TG: variants seen among roughly 807,000 people sequenced by gnomAD.
TG encodes thyroid hormones.
A neutral mutation model predicts 324.7 loss-of-function variants in TG; 270 were observed. That is an observed-to-expected ratio of 0.83 (90% CI 0.75 to 0.92). The LOEUF (loss-of-function observed/expected upper bound fraction) is 0.92, where lower values mean the gene tolerates loss of function less well. Ranked by LOEUF, TG falls within the 40% of genes least tolerant of loss-of-function variation. TG has a pLI of 0.00. For synonymous variants in TG, 1,401 were observed against 1,327.0 expected (o/e 1.06, Z -1.21); for missense variants, 3,591 against 3,456.4 (o/e 1.04, Z -0.98).
chr8:133,001,218 A>G (rs1361166973), intron 35 of TG, among the ~76,000 whole-genome samples: 1 of 142,058 alleles, frequency 7.0e-6, no homozygotes, highest in Non-Finnish European at 1.6e-5. Flanking sequence ...GCAACGTGTG[A>G]ATTTTGGGGG....
intron 35 of TG, among the ~76,000 whole-genome samples, chr8:133,005,729 G>A (rs983217591): frequency 5.3e-5 from 8 of 152,166 alleles, no homozygotes; most frequent in Non-Finnish European, 8.8e-5. Flanking sequence ...CAGCTGCTGG[G>A]TGTGTTCAAC....
intron 20 of TG, among the ~76,000 whole-genome samples, chr8:132,916,671 G>A (rs866676213): frequency 5.9e-5 from 9 of 152,210 alleles, no homozygotes; most frequent in African/African-American, 2.2e-4. Context: ...ATTGGTGACG[G>A]CCAGGGAGCA....
intron 43 of TG, among the ~76,000 whole-genome samples, chr8:133,098,609 C>A (rs1196844856): frequency 6.6e-6 from 1 of 152,230 alleles, no homozygotes; most frequent in Non-Finnish European, 1.5e-5. Flanking sequence ...CCATCTTCGA[C>A]TTTTGAAAGA....
intron 45 of TG, among the ~76,000 whole-genome samples, chr8:133,119,897 C>T (rs1851005437): frequency 6.6e-6 from 1 of 152,146 alleles, no homozygotes; most frequent in Non-Finnish European, 1.5e-5. Flanking sequence ...GCAACTGCCT[C>T]CAGGTTGTAA....
At chr8:132,923,640 T>G in intron 22 of TG, 132 bp downstream of exon 22, 1 of 1,136,946 alleles carries the variant, frequency 8.8e-7, no homozygotes, top group South Asian at 1.7e-5. Context: ...TTAATCTGTG[T>G]AGAAGTTGGA....
chr8:133,082,148 T>C (rs1261914867), intron 41 of TG, among the ~76,000 whole-genome samples: 1 of 152,108 alleles, frequency 6.6e-6, no homozygotes, highest in Non-Finnish European at 1.5e-5. Context: ...GTGTTGGTGG[T>C]GTTGGGTGTT....
At chr8:133,014,684 C>T (rs768129020) in intron 37 of TG, among the ~76,000 whole-genome samples, 2 of 152,164 alleles carry the variant, frequency 1.3e-5, no homozygotes, top group African/African-American at 2.4e-5. Flanking sequence ...CCCATGCTGT[C>T]CTAGAGCATT....
intron 41 of TG, among the ~76,000 whole-genome samples, chr8:133,064,419 A>G (rs1842793045): frequency 6.6e-6 from 1 of 152,222 alleles, no homozygotes; most frequent in Non-Finnish European, 1.5e-5. Context: ...ATATTGTTGT[A>G]TTTAATCTTA....
intron 33 of TG, 31 bp from the exon 34 acceptor site, chr8:132,972,567 T>C (rs543255718): frequency 2.7e-6 from 4 of 1,457,692 alleles, no homozygotes; most frequent in South Asian, 1.1e-5. Context: ...TTCCTGATTG[T>C]GGTTTTTTGT....
intron 5 of TG, among the ~76,000 whole-genome samples, chr8:132,877,501 G>A (rs1279167511): frequency 6.6e-6 from 1 of 152,174 alleles, no homozygotes; most frequent in Non-Finnish European, 1.5e-5. Flanking sequence ...GCTCATTTGT[G>A]AGTCAGTGTT....
Position 132,888,203 on chromosome 8 carries a change from C to T in TG, c.2396C>T (p.Pro799Leu), listed in dbSNP as rs1815705520. ...EAQNKGQDLT[P>L]AKLLVKIMSY... ...CAGAACAAGGGCCAGGATCTGACGC[C>T]TGCCAAGCTGCTAGTGAAGATCATG... Residue 799 changes from proline to leucine, a missense_variant, in exon 10 of 48, where the codon CCT becomes CTT. Physicochemically the swap from Pro to Leu is moderately conservative, Grantham distance 98 (BLOSUM62 -3). Coordinates refer to ENST00000220616, the MANE Select transcript of TG (RefSeq NM_003235.5). 1 of 1,614,224 alleles carries T rather than the reference C, an allele frequency of 6.2e-7. No homozygotes were observed. The highest frequency in any genetic ancestry group is 8.5e-7 in the Non-Finnish European group (1 of 1,180,046).
At chr8:132,913,697 C>T (rs1587378975) in intron 20 of TG, among the ~76,000 whole-genome samples, 2 of 152,262 alleles carry the variant, frequency 1.3e-5, no homozygotes, top group East Asian at 1.9e-4. Flanking sequence ...GCTCTTGCCT[C>T]GCCTGTGAGT....
intron 43 of TG, among the ~76,000 whole-genome samples, chr8:133,111,967 C>G (rs1042529245): frequency 1.3e-5 from 2 of 152,206 alleles, no homozygotes; most frequent in African/African-American, 4.8e-5. Context: ...GGTGGAGAGT[C>G]AGCCATCCCA....
At chr8:132,987,124 G>A (rs1394462052) in intron 35 of TG, among the ~76,000 whole-genome samples, 1 of 152,166 alleles carries the variant, frequency 6.6e-6, no homozygotes, top group Non-Finnish European at 1.5e-5. Context: ...CTATGGGCCT[G>A]AGTAGGTGTT....
chr8:132,962,893 T>G, intron 28 of TG, 101 bp from the exon 29 acceptor site: 4 of 1,068,240 alleles, frequency 3.7e-6, no homozygotes, highest in Non-Finnish European at 4.4e-6. Flanking sequence ...TCACCTGGCT[T>G]TAGGGCCTGA....
At chr8:132,907,172 G>A (rs1818810449) in intron 17 of TG, among the ~76,000 whole-genome samples, 1 of 152,082 alleles carries the variant, frequency 6.6e-6, no homozygotes, top group Admixed American at 6.5e-5. Context: ...AACTTTCTTG[G>A]GATGTCTTGG....
chr8:132,995,210 A>G, intron 35 of TG: 1 of 954,386 alleles, frequency 1.0e-6, no homozygotes, highest in East Asian at 1.2e-4. Context: ...CAGTTTCTTT[A>G]AGGTAGAATT....
At chr8:133,027,227 G>T (rs1230934738) in intron 40 of TG, among the ~76,000 whole-genome samples, 1 of 152,242 alleles carries the variant, frequency 6.6e-6, no homozygotes, top group African/African-American at 2.4e-5. Context: ...AACAATGAGG[G>T]AGCAGGTGAA....
chr8:133,023,699 G>A (rs1015149991), intron 40 of TG, among the ~76,000 whole-genome samples: 1 of 152,176 alleles, frequency 6.6e-6, no homozygotes, highest in African/African-American at 2.4e-5. Context: ...GCCTGGGCCT[G>A]GGGAACTTTT....
Sources: allele counts gnomAD v4.1 joint callset (sites outside exome capture counted in the v4.1 genomes callset), GRCh38; gene constraint gnomAD v4.1.1; transcripts MANE v1.5; gene names NCBI Gene and HGNC (gene_info 2026-07-23, HGNC 2026-07-21).